PTPRN2: variants seen among roughly 807,000 people sequenced by gnomAD.
PTPRN2 encodes receptor-type tyrosine-protein phosphatase N2.
A neutral mutation model predicts 118.8 loss-of-function variants in PTPRN2; 74 were observed. The observed-to-expected ratio is 0.62, with a 90% CI of 0.52 to 0.76. The LOEUF is 0.76. PTPRN2 is among the 30% of genes least tolerant of loss of function. PTPRN2 has a pLI of 0.00. For synonymous variants in PTPRN2, 641 were observed against 608.0 expected (o/e 1.05, Z -0.80); for missense variants, 1,481 against 1,394.4 (o/e 1.06, Z -0.99).
chr7:157,753,917 G>A (rs1435778569), intron 12 of PTPRN2, among the ~76,000 whole-genome samples: 1 of 151,686 alleles, frequency 6.6e-6, no homozygotes, highest in Admixed American at 6.6e-5. Flanking sequence ...CAGGCATCAC[G>A]CCCACACCTG....
At chr7:157,783,197 A>G (rs1354891053) in intron 12 of PTPRN2, among the ~76,000 whole-genome samples, 1 of 152,156 alleles carries the variant, frequency 6.6e-6, no homozygotes, top group Admixed American at 6.5e-5. Flanking sequence ...CTGTGAGTCC[A>G]TTAAACCTCT....
rs765665732 is a variant in PTPRN2, at chr7:157,578,054, C to T, written c.2583G>A (p.Pro861=). Reference sequence around the variant, plus strand: ...TGTGGTAGAGATTGGAGCCTTCATCCGGCCAGTAGTGGTAGCACTGCCGGA... The same window carrying T: ...TGTGGTAGAGATTGGAGCCTTCATCTGGCCAGTAGTGGTAGCACTGCCGGA... ...NGVRQCYHYW[P]DEGSNLYHIY... The change falls in exon 18 of 23, where the codon CCG becomes CCA. Residue 861 remains proline, a synonymous_variant. Coordinates refer to ENST00000389418, the MANE Select transcript of PTPRN2 (RefSeq NM_002847.5). 9 of 1,612,998 alleles carry T rather than the reference C, an allele frequency of 5.6e-6. No individual in the cohort carries two copies. In the East Asian group the frequency reaches 1.1e-4, roughly 20 times the overall value.
At chr7:158,092,362 A>T (rs1384872896) in intron 10 of PTPRN2, among the ~76,000 whole-genome samples, 1 of 149,290 alleles carries the variant, frequency 6.7e-6, no homozygotes, top group Non-Finnish European at 1.5e-5. Context: ...GGGTAGAAGG[A>T]TGGATGGATG....
At chr7:158,308,591 G>T (rs952743340) in intron 3 of PTPRN2, among the ~76,000 whole-genome samples, 20 of 151,442 alleles carry the variant, frequency 1.3e-4, no homozygotes, top group Non-Finnish European at 5.9e-5. Context: ...ACAGCACAAA[G>T]GAGGGAAAGA....
At chr7:158,190,345 C>T (rs898107022) in intron 5 of PTPRN2, among the ~76,000 whole-genome samples, 3 of 152,196 alleles carry the variant, frequency 2.0e-5, no homozygotes, top group Admixed American at 6.5e-5. Flanking sequence ...GCGCACCAGA[C>T]GTGCTTAGTT....
chr7:157,570,127 T>C (rs1799684556), intron 20 of PTPRN2, among the ~76,000 whole-genome samples: 1 of 152,278 alleles, frequency 6.6e-6, no homozygotes, highest in Non-Finnish European at 1.5e-5. Flanking sequence ...ACACCCTCAC[T>C]GCATCACCAA....
chr7:158,085,678 C>T (rs1318198015), intron 10 of PTPRN2, among the ~76,000 whole-genome samples: 2 of 142,422 alleles, frequency 1.4e-5, no homozygotes, highest in African/African-American at 5.4e-5. Flanking sequence ...CCCATCCACA[C>T]CCATGACACC....
rs191498503 is a variant in PTPRN2, at chr7:158,483,863, C to T, written c.163+5872G>A. Among the ~76,000 whole-genome samples, 16 of 152,174 alleles carry T rather than the reference C, an allele frequency of 1.1e-4. No homozygotes were observed. In the East Asian group the frequency reaches 2.5e-3, roughly 24 times the overall value. ...TTTTAAAGTATAGGAGTTGGCCGGG[C>T]GCAATGGCTCATGCCTGTAATCCCA... On this transcript the variant is annotated intron_variant, in intron 2 of 22. Transcript: ENST00000389418.
intron 3 of PTPRN2, among the ~76,000 whole-genome samples, chr7:158,277,757 G>A (rs1441854500): frequency 6.6e-6 from 1 of 152,202 alleles, no homozygotes; most frequent in Admixed American, 6.5e-5. Flanking sequence ...CGGGGTTGTG[G>A]TCAGGCCACC....
chr7:158,450,604 G>A (rs972395542), intron 2 of PTPRN2, among the ~76,000 whole-genome samples: 37 of 152,206 alleles, frequency 2.4e-4, no homozygotes, highest in African/African-American at 8.2e-4. Flanking sequence ...GCCTGCCTCT[G>A]CACCAGATTC....
chr7:158,312,699 T>C (rs1395841665), intron 3 of PTPRN2, among the ~76,000 whole-genome samples: 5 of 123,596 alleles, frequency 4.0e-5, no homozygotes, highest in Non-Finnish European at 1.7e-5. Context: ...ACCTGCACAC[T>C]CATTCACGTG....
intron 6 of PTPRN2, among the ~76,000 whole-genome samples, chr7:158,158,479 A>G (rs1822039215): frequency 1.1e-5 from 1 of 90,536 alleles, no homozygotes; most frequent in Non-Finnish European, 2.7e-5. Context: ...GAGGGGAGAG[A>G]ACTGGGAGCG....
In PTPRN2 at chr7:157,734,152, A is replaced by G. The variant is rs183681943; in HGVS notation, c.1789-51215T>C. Among the ~76,000 whole-genome samples the G allele has an allele frequency of 1.4e-4, 19 of 134,522 alleles. 3 individuals carry two copies. In the East Asian group the frequency reaches 4.0e-3, roughly 28 times the overall value. 88.3% of individuals were successfully genotyped at this position (134,522 alleles called of 152,430 possible). ...CCCTTTCCCGTCCCAGGCGCCCAGC[A>G]CAGTTACTCTTTTCCACCCCATGCA... On this transcript the variant is annotated intron_variant, in intron 12 of 22. Transcript: ENST00000389418.
rs916270986 is a variant in PTPRN2 at position 157,788,336 on chromosome 7, C to T, written c.1789-105399G>A. Among the ~76,000 whole-genome samples, 4 of 147,342 alleles carry T rather than the reference C, an allele frequency of 2.7e-5. No homozygotes were observed. In the South Asian group the frequency reaches 8.6e-4, roughly 32 times the overall value. ...GTTGCAGTGAGCTGAGATTGCACCACTGCACTCCAGCCTGGGAAACAGAAT... is the reference window on the plus strand; with the variant it reads ...GTTGCAGTGAGCTGAGATTGCACCATTGCACTCCAGCCTGGGAAACAGAAT... On this transcript the variant is annotated intron_variant, in intron 12 of 22. Transcript: ENST00000389418.
Position 157,656,460 on chromosome 7 carries a change from C to A in PTPRN2, c.2093G>T (p.Ser698Ile). Residue 698 changes from serine (S) to isoleucine (I), a missense_variant, in exon 14 of 23, where the codon AGC (serine) becomes ATC (isoleucine). Physicochemically the swap from Ser to Ile is moderately radical, Grantham distance 142. This residue lies in a region of PTPRN2 where 1,115 missense variants were observed against 994.2 expected (regional missense o/e 1.12). Coordinates refer to ENST00000389418, the MANE Select transcript of PTPRN2 (RefSeq NM_002847.5). ...SRISSVSSQF[S>I]DGPIPSPSAR... Reference sequence around the variant, plus strand: ...GGAGGGGCTGGGGATCGGCCCGTCGCTGAACTGGGATGAGACGCTGCTGAT... The same window carrying A: ...GGAGGGGCTGGGGATCGGCCCGTCGATGAACTGGGATGAGACGCTGCTGAT... 6.4e-7 allele frequency: 1 copy of A among 1,554,802 alleles called. No homozygotes were observed. Among genetic ancestry groups the A allele is most frequent in the Non-Finnish European group, 8.7e-7 (1 of 1,151,200 alleles).
chr7:158,139,753 A>G (rs902639997), intron 6 of PTPRN2, among the ~76,000 whole-genome samples: 12 of 152,200 alleles, frequency 7.9e-5, no homozygotes, highest in African/African-American at 2.9e-4. Flanking sequence ...AGAGGCCGCC[A>G]GACACCCTGC....
chr7:158,103,939 T>C (rs929064177), intron 10 of PTPRN2, among the ~76,000 whole-genome samples: 7 of 152,062 alleles, frequency 4.6e-5, no homozygotes, highest in Non-Finnish European at 8.8e-5. Flanking sequence ...CTCAGCTCAC[T>C]GCAACAACTG....
chr7:158,537,071 C>T (rs1448335835), intron 1 of PTPRN2, among the ~76,000 whole-genome samples: 2 of 152,166 alleles, frequency 1.3e-5, no homozygotes, highest in African/African-American at 2.4e-5. Context: ...ACCCTCTGCT[C>T]GCCCCTGTGA....
chr7:158,420,903 A>T (rs1167330310), intron 2 of PTPRN2, among the ~76,000 whole-genome samples: 1 of 152,176 alleles, frequency 6.6e-6, no homozygotes, highest in Non-Finnish European at 1.5e-5. Flanking sequence ...GGCAGGTCAC[A>T]GGCGGTTGTG....
Sources: gnomAD v4.1 joint callset for allele counts (sites outside exome capture counted in the v4.1 genomes callset) on GRCh38, gnomAD v4.1.1 for gene constraint, gnomAD v4.1.1 regional missense constraint, MANE v1.5 for transcripts, NCBI Gene and HGNC (gene_info 2026-07-23, HGNC 2026-07-21) for gene names.